NEGR1: variants seen among roughly 807,000 people sequenced by gnomAD.
NEGR1 encodes IgLON family member 4.
A neutral mutation model predicts 40.9 loss-of-function variants in NEGR1; 10 were observed. The ratio of observed to expected loss-of-function variants is 0.24; its 90% CI spans 0.15 to 0.42. The LOEUF is 0.42. Among genes scored for constraint, NEGR1 ranks in the 10% least tolerant of loss-of-function variants. The probability of loss-of-function intolerance (pLI) is 1.00; values close to 1 mark genes in which losing one functional copy is unlikely to be tolerated. For synonymous variants in NEGR1, 185 were observed against 166.8 expected (o/e 1.11, Z -0.84); for missense variants, 352 against 438.9 (o/e 0.80, Z 1.77).
At chr1:72,012,842 C>CATATATATATATATATATATATATAT (rs375131531) in intron 1 of NEGR1, among the ~76,000 whole-genome samples, 1 of 140,172 alleles carries the variant, frequency 7.1e-6, no homozygotes, top group Non-Finnish European at 1.5e-5. Context: ...TATATACATA[C>CATATATATATATATATATATATATAT]ATATATATAT....
At chr1:71,615,429 T>C (rs12079835) in intron 4 of NEGR1, among the ~76,000 whole-genome samples, 15,238 of 152,190 alleles carry the variant, frequency 0.1, 1,466 homozygotes, top group African/African-American at 0.25. Context: ...GATGATAAGG[T>C]AATATTTGAA....
chr1:71,426,270 A>G (rs1646427745), intron 6 of NEGR1, among the ~76,000 whole-genome samples: 2 of 152,208 alleles, frequency 1.3e-5, no homozygotes, highest in African/African-American at 4.8e-5. Flanking sequence ...CAGCATGAAT[A>G]GAAGAATGGA....
chr1:71,566,310 T>C (rs1648618104), intron 6 of NEGR1, among the ~76,000 whole-genome samples: 1 of 152,128 alleles, frequency 6.6e-6, no homozygotes, highest in South Asian at 2.1e-4. Context: ...GAAAAATATA[T>C]CAACAAACTA....
At chr1:72,252,651 T>C (rs993117459) in intron 1 of NEGR1, among the ~76,000 whole-genome samples, 1 of 152,116 alleles carries the variant, frequency 6.6e-6, no homozygotes, top group African/African-American at 2.4e-5. Context: ...AATATTTGTA[T>C]GCGCACGTTT....
At chr1:71,881,136 T>C (rs1023816414) in intron 2 of NEGR1, among the ~76,000 whole-genome samples, 4 of 152,070 alleles carry the variant, frequency 2.6e-5, no homozygotes, top group Non-Finnish European at 5.9e-5. Flanking sequence ...CAGTACAGTA[T>C]GTTTCGAGCT....
chr1:72,216,006 C>A (rs1653792225), intron 1 of NEGR1, among the ~76,000 whole-genome samples: 1 of 151,886 alleles, frequency 6.6e-6, no homozygotes, highest in Non-Finnish European at 1.5e-5. Context: ...GGCACATATA[C>A]ACCACTGAAT....
intron 1 of NEGR1, among the ~76,000 whole-genome samples, chr1:72,025,312 C>T (rs930365882): frequency 6.6e-6 from 1 of 152,110 alleles, no homozygotes; most frequent in African/African-American, 2.4e-5. Context: ...AGCCAAATGA[C>T]CTTATATAAC....
intron 4 of NEGR1, among the ~76,000 whole-genome samples, chr1:71,687,839 T>G (rs1653088664): frequency 6.6e-6 from 1 of 152,202 alleles, no homozygotes; most frequent in Admixed American, 6.5e-5. Context: ...GCTAGTATAG[T>G]GAAAGCAGCC....
chr1:72,025,436 A>C (rs190621378), intron 1 of NEGR1, among the ~76,000 whole-genome samples: 48 of 152,294 alleles, frequency 3.2e-4, no homozygotes, highest in Non-Finnish European at 6.0e-4. Flanking sequence ...ATAGTCTAAA[A>C]GTATTTATTA....
chr1:71,401,310 T>A lies in NEGR1; in HGVS notation c.*6136A>T, dbSNP rs2101248574. On this transcript the variant is annotated 3_prime_UTR_variant, in exon 7 of 7. Coordinates refer to ENST00000357731, the MANE Select transcript of NEGR1 (RefSeq NM_173808.3). ...GCCAGTTTTGCCTCTATTAGTACAT[T>A]AATTTCAAGGTTTTTGATCTATAAA... 1 of 152,340 alleles carries A rather than the reference T, an allele frequency of 6.6e-6. No individual in the cohort carries two copies. The highest frequency in any genetic ancestry group is 1.5e-5 in the Non-Finnish European group (1 of 68,028). 9.4% of individuals were successfully genotyped at this position (152,340 alleles called of 1,614,324 possible).
chr1:71,853,037 G>A (rs907531833), intron 2 of NEGR1, among the ~76,000 whole-genome samples: 1 of 152,026 alleles, frequency 6.6e-6, no homozygotes, highest in African/African-American at 2.4e-5. Context: ...CATGAATCAT[G>A]GGGAAAATCC....
chr1:71,779,505 A>C (rs1656624118), intron 2 of NEGR1, among the ~76,000 whole-genome samples: 1 of 152,166 alleles, frequency 6.6e-6, no homozygotes, highest in African/African-American at 2.4e-5. Context: ...TTTTAAGTTA[A>C]TTATGTAGAA....
intron 6 of NEGR1, among the ~76,000 whole-genome samples, chr1:71,582,961 A>G (rs1361575987): frequency 6.6e-6 from 1 of 152,110 alleles, no homozygotes; most frequent in Non-Finnish European, 1.5e-5. Flanking sequence ...GAAGCTTTCA[A>G]AAGCAATTTT....
intron 2 of NEGR1, among the ~76,000 whole-genome samples, chr1:71,781,547 G>C (rs1490324708): frequency 6.6e-6 from 1 of 152,176 alleles, no homozygotes; most frequent in Non-Finnish European, 1.5e-5. Flanking sequence ...GCTGTCTTTA[G>C]GATGCCAGGG....
Position 72,017,395 on chromosome 1 carries a change from TA to T in NEGR1, c.177-82085del, listed in dbSNP as rs1241153385. Among the ~76,000 whole-genome samples, 5 of 152,246 alleles carry T rather than the reference TA, an allele frequency of 3.3e-5. No homozygotes were observed. In the South Asian group the frequency reaches 1.0e-3, roughly 32 times the overall value. On this transcript the variant is annotated intron_variant, in intron 1 of 6. Coordinates refer to ENST00000357731, the MANE Select transcript of NEGR1 (RefSeq NM_173808.3). ...TCTTTACAAAATTAGGCCTCTATTA[TA>T]AAGTAAACTTCTTAAGAGCAAAGAA...
intron 1 of NEGR1, among the ~76,000 whole-genome samples, chr1:72,167,809 A>C (rs1056367404): frequency 1.3e-5 from 2 of 151,990 alleles, no homozygotes; most frequent in Admixed American, 6.6e-5. Flanking sequence ...TAAGGATTAC[A>C]TGTTATTCTG....
intron 3 of NEGR1, among the ~76,000 whole-genome samples, chr1:71,707,264 G>A (rs752449251): frequency 5.9e-5 from 9 of 152,124 alleles, no homozygotes; most frequent in Non-Finnish European, 8.8e-5. Flanking sequence ...CTAGAGGGGA[G>A]CCCACTGCCC....
chr1:71,983,359 C>A (rs1462799460), intron 1 of NEGR1, among the ~76,000 whole-genome samples: 3 of 151,956 alleles, frequency 2.0e-5, no homozygotes, highest in African/African-American at 7.3e-5. Context: ...TAATGGAAAG[C>A]GCTTATTTCT....
At chr1:71,909,969 A>G (rs1317499953) in intron 2 of NEGR1, among the ~76,000 whole-genome samples, 1 of 152,232 alleles carries the variant, frequency 6.6e-6, no homozygotes, top group Non-Finnish European at 1.5e-5. Flanking sequence ...AATCCAGTCT[A>G]TCATACGATT....
Sources: gnomAD v4.1 joint callset for allele counts (sites outside exome capture counted in the v4.1 genomes callset) on GRCh38, gnomAD v4.1.1 for gene constraint, MANE v1.5 for transcripts, NCBI Gene and HGNC (gene_info 2026-07-23, HGNC 2026-07-21) for gene names.